NELL2: variants seen among roughly 807,000 people sequenced by gnomAD.
The protein encoded by NELL2 is protein kinase C-binding protein NELL2.
In NELL2, 41 loss-of-function variants were observed where a neutral mutation model predicts 109.6. The observed-to-expected ratio is 0.37, with a 90% CI of 0.29 to 0.49. The LOEUF (loss-of-function observed/expected upper bound fraction) is 0.49. Ranked by LOEUF, NELL2 falls within the 20% of genes least tolerant of loss-of-function variation. NELL2 has a pLI of 0.98. For missense variants in NELL2, 900 were observed against 1,008.3 expected (o/e 0.89, Z 1.45); for synonymous variants, 355 against 344.7 (o/e 1.03, Z -0.33).
At chr12:44,759,403 A>G (rs1329078643) in intron 9 of NELL2, among the ~76,000 whole-genome samples, 1 of 152,182 alleles carries the variant, frequency 6.6e-6, no homozygotes, top group Non-Finnish European at 1.5e-5. Context: ...TTGACTTTTT[A>G]GAAATTTGCA....
intron 2 of NELL2, among the ~76,000 whole-genome samples, chr12:44,869,926 G>A (rs941744674): frequency 2.6e-5 from 4 of 151,996 alleles, no homozygotes; most frequent in African/African-American, 7.2e-5. Context: ...CTCCTCTCAC[G>A]TTACTACAAA....
intron 14 of NELL2, 35 bp downstream of exon 14, chr12:44,610,813 A>G (rs1283377705): frequency 1.2e-6 from 2 of 1,612,284 alleles, no homozygotes; most frequent in Non-Finnish European, 1.7e-6. Context: ...GGCATTATAC[A>G]TAATGGAAGA....
intron 13 of NELL2, among the ~76,000 whole-genome samples, chr12:44,631,975 C>T (rs924823146): frequency 6.6e-6 from 1 of 152,074 alleles, no homozygotes; most frequent in Non-Finnish European, 1.5e-5. Flanking sequence ...ATCATACATC[C>T]TATCTAAGTG....
At chr12:44,775,397 G>GC (rs145065187) in intron 8 of NELL2, among the ~76,000 whole-genome samples, 2,991 of 152,184 alleles carry the variant, frequency 0.02, 94 homozygotes, top group African/African-American at 0.069. Context: ...CAGAAAACCA[G>GC]CTTTAACAGA....
chr12:44,600,489 TAA>T (rs1484279142), intron 15 of NELL2, among the ~76,000 whole-genome samples: 3 of 152,180 alleles, frequency 2.0e-5, no homozygotes, highest in Non-Finnish European at 4.4e-5. Context: ...TCCAGCATAT[TAA>T]GTTTATGCCT....
intron 9 of NELL2, among the ~76,000 whole-genome samples, chr12:44,757,040 C>G (rs571438559): frequency 6.6e-6 from 1 of 152,302 alleles, no homozygotes; most frequent in South Asian, 2.1e-4. Context: ...TAATTGCCCT[C>G]CAGTATTCTC....
chr12:44,590,404 C>T (rs1476378768), intron 15 of NELL2, among the ~76,000 whole-genome samples: 1 of 152,112 alleles, frequency 6.6e-6, no homozygotes, highest in East Asian at 1.9e-4. Flanking sequence ...TTTCAAAATG[C>T]AGCCCAGGTT....
At chr12:44,916,708 T>C (rs1241548616), upstream of NELL2, among the ~76,000 whole-genome samples, 4 of 152,186 alleles carry the variant, frequency 2.6e-5, no homozygotes, top group Non-Finnish European at 5.9e-5. Context: ...ATGACAAATT[T>C]GAGCCCCTTC....
At chr12:44,560,693 C>T (rs1342402265) in intron 15 of NELL2, among the ~76,000 whole-genome samples, 1 of 152,058 alleles carries the variant, frequency 6.6e-6, no homozygotes, top group Non-Finnish European at 1.5e-5. Flanking sequence ...AATTAATAGC[C>T]TACCAACCAA....
At chr12:44,797,588 T>A (rs1293230025) in intron 3 of NELL2, among the ~76,000 whole-genome samples, 1 of 151,796 alleles carries the variant, frequency 6.6e-6, no homozygotes, top group Non-Finnish European at 1.5e-5. Flanking sequence ...AATATATAAT[T>A]TTTCTGATAT....
At chr12:44,679,793 G>A (rs369222336) in intron 12 of NELL2, among the ~76,000 whole-genome samples, 3 of 151,928 alleles carry the variant, frequency 2.0e-5, no homozygotes, top group Admixed American at 6.6e-5. Context: ...ACTCTTCTCC[G>A]CCAATCTAAA....
At chr12:44,526,313 T>C (rs968984011) in intron 16 of NELL2, among the ~76,000 whole-genome samples, 3 of 152,224 alleles carry the variant, frequency 2.0e-5, no homozygotes, top group Non-Finnish European at 4.4e-5. Flanking sequence ...TCATAGTGGT[T>C]GGAATGTACC....
intron 16 of NELL2, among the ~76,000 whole-genome samples, chr12:44,531,972 T>G (rs1218310669): frequency 6.6e-6 from 1 of 152,194 alleles, no homozygotes; most frequent in Non-Finnish European, 1.5e-5. Flanking sequence ...GGAGCAGATT[T>G]GTCAGTCTGT....
intron 12 of NELL2, among the ~76,000 whole-genome samples, chr12:44,683,312 A>G (rs1412010895): frequency 5.3e-5 from 8 of 150,092 alleles, no homozygotes; most frequent in Non-Finnish European, 1.0e-4. Flanking sequence ...GCTTAAGGAG[A>G]TTTTGGGCTG....
chr12:44,732,705 AC>A (rs1304546794), intron 9 of NELL2, among the ~76,000 whole-genome samples: 1 of 152,028 alleles, frequency 6.6e-6, no homozygotes, highest in Non-Finnish European at 1.5e-5. Flanking sequence ...GAGAAACGGG[AC>A]TACAACAAAC....
intron 1 of NELL2, among the ~76,000 whole-genome samples, chr12:44,897,748 G>C (rs182011810): frequency 6.6e-6 from 1 of 152,060 alleles, no homozygotes; most frequent in East Asian, 1.9e-4. Flanking sequence ...AGTGGTGCCT[G>C]GAATGCCCCC....
chr12:44,901,704 T>C (rs1327970169), intron 1 of NELL2, among the ~76,000 whole-genome samples: 1 of 152,174 alleles, frequency 6.6e-6, no homozygotes. Flanking sequence ...TTATCCAGCA[T>C]GATCAAGTCA....
chr12:44,643,392 A>G (rs1946932344), intron 13 of NELL2, among the ~76,000 whole-genome samples: 1 of 152,204 alleles, frequency 6.6e-6, no homozygotes, highest in Non-Finnish European at 1.5e-5. Context: ...AAACATTATG[A>G]TAGTATAATT....
intron 19 of NELL2, among the ~76,000 whole-genome samples, chr12:44,519,718 G>C (rs955345895): frequency 1.3e-5 from 2 of 152,132 alleles, no homozygotes; most frequent in African/African-American, 4.8e-5. Flanking sequence ...TAAAAGATGT[G>C]TACGGTTAGA....
Sources: allele counts gnomAD v4.1 joint callset (sites outside exome capture counted in the v4.1 genomes callset), GRCh38; gene constraint gnomAD v4.1.1; transcripts MANE v1.5; gene names NCBI Gene and HGNC (gene_info 2026-07-23, HGNC 2026-07-21).